ATP11C: variants seen among roughly 807,000 people sequenced by gnomAD.
The protein encoded by ATP11C is ATPase phospholipid transporting 11C (ATP11C blood group), also known as phospholipid-transporting ATPase IG.
In ATP11C, 36 loss-of-function variants were observed where a neutral mutation model predicts 97.4. The ratio of observed to expected loss-of-function variants is 0.37; its 90% confidence interval spans 0.28 to 0.49. ATP11C has a LOEUF of 0.49. Ranked by LOEUF, ATP11C falls within the 20% of genes least tolerant of loss-of-function variation. The pLI is 0.98. For missense variants in ATP11C, 730 were observed against 824.6 expected, an observed-to-expected ratio of 0.89 and a Z score of 1.40; for synonymous variants, 275 against 290.9, an observed-to-expected ratio of 0.95 and a Z score of 0.56.
At chrX:139,899,864 A>G (rs143997188) in intron 1 of ATP11C, among the ~76,000 whole-genome samples, 1,209 of 111,811 alleles carry the variant, frequency 0.011, 17 homozygotes, top group African/African-American at 0.038. Flanking sequence ...GAAACCTGCA[A>G]TTAATTTCCT....
chrX:139,764,895 C>T (rs1463109080), intron 20 of ATP11C, among the ~76,000 whole-genome samples: 2 of 111,591 alleles, frequency 1.8e-5, no homozygotes, highest in African/African-American at 6.5e-5. Flanking sequence ...GAATAAAAGA[C>T]AAAATTAAAG....
chrX:139,761,523 T>C (rs902463347), intron 22 of ATP11C, among the ~76,000 whole-genome samples: 1 of 110,543 alleles, frequency 9.0e-6, no homozygotes, highest in Non-Finnish European at 1.9e-5. Flanking sequence ...AGAGACAAGG[T>C]CTCATATTAT....
In ATP11C at chrX:139,727,578, T is replaced by C. The variant is rs1189462295; in HGVS notation, c.*1388A>G. On this transcript the variant is annotated 3_prime_UTR_variant, in exon 30 of 30. Coordinates refer to ENST00000682941, the MANE Select transcript of ATP11C (RefSeq NM_001353812.2). ...AATCAAATGTGCCATATGGACTATA[T>C]AAATATAATACAGATTAACTCCAAT... 2 of 110,402 alleles carry C rather than the reference T, an allele frequency of 1.8e-5. No individual in the cohort carries two copies. The highest frequency in any genetic ancestry group is 3.8e-5 in the Non-Finnish European group (2 of 52,672). The allele number at this position is 110,402 out of a possible 1,213,427, so 9.1% of individuals were successfully genotyped here.
At chrX:139,904,720 GAC>G (rs1286102266) in intron 1 of ATP11C, among the ~76,000 whole-genome samples, 2 of 110,851 alleles carry the variant, frequency 1.8e-5, no homozygotes, top group African/African-American at 6.6e-5. Context: ...TTAAGGAAAA[GAC>G]ACTTGAACTT....
At chrX:139,796,943 TTTTC>T (rs200734713) in intron 11 of ATP11C, among the ~76,000 whole-genome samples, 177 of 109,637 alleles carry the variant, frequency 1.6e-3, no homozygotes, top group African/African-American at 5.2e-3. Flanking sequence ...TTTCTTTTCT[TTTTC>T]TTTCTTTTAC....
chrX:139,729,081 C>CA, intron 29 of ATP11C, 119 bp from the exon 30 acceptor site: 1 of 495,273 alleles, frequency 2.0e-6, no homozygotes, highest in Non-Finnish European at 3.3e-6. Flanking sequence ...ACTGTCTTAA[C>CA]AAAGTGCCAA....
intron 19 of ATP11C, among the ~76,000 whole-genome samples, chrX:139,770,966 A>T (rs905445788): frequency 9.0e-6 from 1 of 111,633 alleles, no homozygotes; most frequent in Non-Finnish European, 1.9e-5. Flanking sequence ...TATAAACTGA[A>T]TTGTGTTCTC....
intron 24 of ATP11C, among the ~76,000 whole-genome samples, chrX:139,748,974 A>C (rs1006099388): frequency 1.8e-5 from 2 of 111,714 alleles, no homozygotes; most frequent in African/African-American, 6.5e-5. Flanking sequence ...TATTATTTTT[A>C]AAAATCCTTG....
chrX:139,753,988 G>T (rs1272396583), intron 23 of ATP11C, among the ~76,000 whole-genome samples: 2 of 110,770 alleles, frequency 1.8e-5, no homozygotes, highest in Non-Finnish European at 3.8e-5. Context: ...GCTGAACTGA[G>T]GGAAACTGAG....
At chrX:139,842,961 A>C (rs2083857662) in intron 1 of ATP11C, among the ~76,000 whole-genome samples, 1 of 111,734 alleles carries the variant, frequency 8.9e-6, no homozygotes, top group African/African-American at 3.3e-5. Flanking sequence ...CATCAAATTC[A>C]ACTCCCACCT....
intron 5 of ATP11C, among the ~76,000 whole-genome samples, chrX:139,814,177 T>C (rs1346783305): frequency 9.0e-6 from 1 of 111,410 alleles, no homozygotes; most frequent in Non-Finnish European, 1.9e-5. Context: ...AAAATGTTAT[T>C]TGACAGGGTC....
At chrX:139,752,723 T>A (rs192483719) in intron 23 of ATP11C, among the ~76,000 whole-genome samples, 55 of 112,052 alleles carry the variant, frequency 4.9e-4, no homozygotes, top group Non-Finnish European at 8.6e-4. Context: ...TCCAAGAAAG[T>A]AAGGAATTAG....
intron 1 of ATP11C, among the ~76,000 whole-genome samples, chrX:139,840,085 G>GAGCAA (rs1314524464): frequency 8.9e-6 from 1 of 111,888 alleles, no homozygotes; most frequent in Non-Finnish European, 1.9e-5. Flanking sequence ...AATTTACAAT[G>GAGCAA]AGCAAAGCAA....
intron 1 of ATP11C, among the ~76,000 whole-genome samples, chrX:139,882,414 T>C (rs957686859): frequency 9.0e-6 from 1 of 111,335 alleles, no homozygotes; most frequent in East Asian, 2.8e-4. Flanking sequence ...GCACAACTGA[T>C]TAAGGACCCC....
At chrX:139,734,711 G>A (rs1472285243) in intron 28 of ATP11C, among the ~76,000 whole-genome samples, 2 of 111,240 alleles carry the variant, frequency 1.8e-5, no homozygotes, top group African/African-American at 3.3e-5. Context: ...ACCCTCAACA[G>A]CATTGCTATG....
At chrX:139,807,097 T>C (rs765337745) in intron 5 of ATP11C, among the ~76,000 whole-genome samples, 3 of 111,270 alleles carry the variant, frequency 2.7e-5, no homozygotes, top group African/African-American at 6.5e-5. Context: ...AATATTGTGA[T>C]TGGAATGAGA....
At chrX:139,762,206 C>A (rs970471040) in intron 21 of ATP11C, 100 bp from the exon 22 acceptor site, 2 of 681,995 alleles carry the variant, frequency 2.9e-6, no homozygotes, top group African/African-American at 4.3e-5. Context: ...TAGTTCAATT[C>A]TATCAATTAG....
At chrX:139,918,675 CAAAAAAAAA>C (rs59502861) in intron 1 of ATP11C, among the ~76,000 whole-genome samples, 10 of 41,038 alleles carry the variant, frequency 2.4e-4, no homozygotes, top group African/African-American at 8.7e-4. Context: ...AACCCCATTT[CAAAAAAAAA>C]AAAAAAAAAA....
At chrX:139,829,378 A>G (rs1003920348) in intron 1 of ATP11C, among the ~76,000 whole-genome samples, 2 of 112,178 alleles carry the variant, frequency 1.8e-5, no homozygotes, top group East Asian at 5.6e-4. Flanking sequence ...GCAATGCTGA[A>G]CTCAAGTAAA....
Sources: gnomAD v4.1 joint callset for allele counts (sites outside exome capture counted in the v4.1 genomes callset) on GRCh38, gnomAD v4.1.1 for gene constraint, MANE v1.5 for transcripts, NCBI Gene and HGNC (gene_info 2026-07-23, HGNC 2026-07-21) for gene names.